GPR176: variants seen among roughly 807,000 people sequenced by gnomAD.
GPR176 encodes the protein G protein-coupled receptor 176.
GPR176 carries 26 observed loss-of-function variants against 35.4 expected under a neutral mutation model. The ratio of observed to expected loss-of-function variants is 0.74; its 90% CI spans 0.54 to 1.02. The LOEUF (loss-of-function observed/expected upper bound fraction) is 1.02, where lower values mean the gene tolerates loss of function less well. GPR176 is among the 50% of genes least tolerant of loss of function. GPR176 has a pLI of 0.00. For synonymous variants in GPR176, 278 were observed against 271.3 expected (o/e 1.02, Z -0.24); for missense variants, 597 against 665.3 (o/e 0.90, Z 1.13).
At chr15:39,882,661 C>G (rs1172956438) in intron 1 of GPR176, among the ~76,000 whole-genome samples, 3 of 152,206 alleles carry the variant, frequency 2.0e-5, no homozygotes, top group African/African-American at 7.2e-5. Context: ...TTCACCAAAA[C>G]AGATGACACA....
In GPR176 at chr15:39,807,173, C is replaced by T. The variant is rs373095514; in HGVS notation, c.258G>A (p.Ser86=). The T allele has an allele frequency of 2.3e-5, 37 of 1,613,602 alleles. No homozygotes were observed. The African/African-American group carries it at 2.7e-4, about 12-fold the overall frequency. ...CACAGACCAGGCTGGCACAAATCCC[C>T]GAGCAGGCCAGGTTTTTAATGAACC... ...TNRFIKNLAC[S]GICASLVCVP... Residue 86 remains serine, a synonymous_variant, in exon 2 of 3, where the codon TCG becomes TCA. Transcript: ENST00000561100.
chr15:39,875,491 C>T (rs1207061837), intron 1 of GPR176, among the ~76,000 whole-genome samples: 4 of 152,106 alleles, frequency 2.6e-5, no homozygotes, highest in African/African-American at 9.7e-5. Flanking sequence ...TGCATATGTT[C>T]TCACATACAA....
chr15:39,814,144 C>T (rs911502907), intron 1 of GPR176, among the ~76,000 whole-genome samples: 5 of 152,176 alleles, frequency 3.3e-5, no homozygotes, highest in Admixed American at 1.3e-4. Flanking sequence ...GGATTTATGT[C>T]TTTCTATTTC....
intron 1 of GPR176, among the ~76,000 whole-genome samples, chr15:39,846,800 C>G (rs2030462483): frequency 6.6e-6 from 1 of 151,548 alleles, no homozygotes; most frequent in Admixed American, 6.6e-5. Flanking sequence ...CAAAAAGTCT[C>G]TAAGAAAGAA....
intron 1 of GPR176, among the ~76,000 whole-genome samples, chr15:39,901,902 T>G (rs2033288448): frequency 6.7e-6 from 1 of 149,658 alleles, no homozygotes; most frequent in Admixed American, 6.7e-5. Context: ...GTTGAAAGCC[T>G]GTTTCTACCA....
intron 1 of GPR176, among the ~76,000 whole-genome samples, chr15:39,878,621 T>C (rs931534584): frequency 6.6e-6 from 1 of 152,214 alleles, no homozygotes; most frequent in Non-Finnish European, 1.5e-5. Flanking sequence ...CCAATTTTAT[T>C]TCCTTTGGAT....
intron 1 of GPR176, among the ~76,000 whole-genome samples, chr15:39,834,294 A>G (rs968487058): frequency 2.6e-5 from 4 of 152,230 alleles, no homozygotes; most frequent in African/African-American, 9.6e-5. Context: ...AATTAAAAAT[A>G]TTATATTCCA....
At chr15:39,893,837 A>G (rs1595512446) in intron 1 of GPR176, among the ~76,000 whole-genome samples, 1 of 133,840 alleles carries the variant, frequency 7.5e-6, no homozygotes, top group Non-Finnish European at 1.6e-5. Context: ...GGGGCTCCTC[A>G]CTTCCCAGTA....
intron 1 of GPR176, among the ~76,000 whole-genome samples, chr15:39,894,709 G>A (rs1399042623): frequency 9.9e-5 from 15 of 151,848 alleles, no homozygotes; most frequent in East Asian, 7.8e-4. Context: ...GATGGCGGCC[G>A]GGCGGAGACG....
intron 2 of GPR176, among the ~76,000 whole-genome samples, chr15:39,806,711 C>A (rs1383550010): frequency 6.6e-6 from 1 of 152,144 alleles, no homozygotes; most frequent in African/African-American, 2.4e-5. Context: ...AACACAAATA[C>A]CACCAACTGC....
At chr15:39,824,742 T>C (rs1900508542) in intron 1 of GPR176, among the ~76,000 whole-genome samples, 1 of 152,174 alleles carries the variant, frequency 6.6e-6, no homozygotes, top group Non-Finnish European at 1.5e-5. Flanking sequence ...TGCTTACTAG[T>C]TATGTAGGAT....
intron 1 of GPR176, among the ~76,000 whole-genome samples, chr15:39,847,468 G>A (rs113222716): frequency 0.011 from 1,604 of 152,134 alleles, 32 homozygotes; most frequent in African/African-American, 0.037. Flanking sequence ...TCATGAGGCC[G>A]GGCACAATGG....
intron 1 of GPR176, among the ~76,000 whole-genome samples, chr15:39,824,346 G>A (rs180877920): frequency 4.6e-5 from 7 of 152,248 alleles, no homozygotes; most frequent in Admixed American, 4.6e-4. Context: ...AACAAAGGAG[G>A]CTTCCCAGAC....
At chr15:39,849,885 C>T (rs1181595297) in intron 1 of GPR176, among the ~76,000 whole-genome samples, 2 of 152,076 alleles carry the variant, frequency 1.3e-5, no homozygotes, top group Admixed American at 6.6e-5. Flanking sequence ...TTGCACAAAC[C>T]TAGATGGCAC....
intron 1 of GPR176, chr15:39,807,580 A>T: frequency 6.7e-7 from 1 of 1,502,942 alleles, no homozygotes; most frequent in South Asian, 1.2e-5. Flanking sequence ...AATCCCAGGC[A>T]GTCTGCTCTT....
intron 1 of GPR176, among the ~76,000 whole-genome samples, chr15:39,809,475 A>G (rs1254997320): frequency 6.6e-6 from 1 of 152,226 alleles, no homozygotes; most frequent in African/African-American, 2.4e-5. Flanking sequence ...TTAGCACTTC[A>G]GATTCTCCTT....
At chr15:39,895,424 A>G (rs2033084759) in intron 1 of GPR176, among the ~76,000 whole-genome samples, 1 of 152,258 alleles carries the variant, frequency 6.6e-6, no homozygotes, top group Non-Finnish European at 1.5e-5. Context: ...TAAAACCAGT[A>G]TAAATACAAT....
intron 1 of GPR176, among the ~76,000 whole-genome samples, chr15:39,884,871 T>C (rs2032613380): frequency 6.6e-6 from 1 of 152,210 alleles, no homozygotes; most frequent in Non-Finnish European, 1.5e-5. Flanking sequence ...TATTTTTATC[T>C]GGGCACATTG....
At chr15:39,879,759 A>T (rs2032400966) in intron 1 of GPR176, among the ~76,000 whole-genome samples, 1 of 151,644 alleles carries the variant, frequency 6.6e-6, no homozygotes, top group South Asian at 2.1e-4. Flanking sequence ...TTCCTCACTC[A>T]CTCCCTATTT....
Sources: allele counts gnomAD v4.1 joint callset (sites outside exome capture counted in the v4.1 genomes callset), GRCh38; gene constraint gnomAD v4.1.1; transcripts MANE v1.5; gene names NCBI Gene and HGNC (gene_info 2026-07-23, HGNC 2026-07-21).